DPYD: variants seen among roughly 807,000 people sequenced by gnomAD.
DPYD encodes the protein dihydropyrimidine dehydrogenase [NADP(+)].
DPYD carries 109 observed loss-of-function variants against 116.2 expected under a neutral mutation model. The ratio of observed to expected loss-of-function variants is 0.94; its 90% CI spans 0.80 to 1.10. The LOEUF (loss-of-function observed/expected upper bound fraction) is 1.10. DPYD is among the 50% of genes least tolerant of loss of function. DPYD has a pLI of 0.00. For synonymous variants in DPYD, 440 were observed against 432.0 expected (o/e 1.02, Z -0.23); for missense variants, 1,302 against 1,254.5 (o/e 1.04, Z -0.57).
chr1:97,309,166 AG>A (rs1402790038), intron 16 of DPYD, among the ~76,000 whole-genome samples: 16 of 151,928 alleles, frequency 1.1e-4, no homozygotes, highest in Admixed American at 1.1e-3. Flanking sequence ...TCTGTGAAAA[AG>A]TGATGGATAA....
At chr1:97,490,379 T>A (rs571494923) in intron 13 of DPYD, among the ~76,000 whole-genome samples, 17 of 147,858 alleles carry the variant, frequency 1.1e-4, no homozygotes, top group Non-Finnish European at 2.4e-4. Flanking sequence ...ATATATATTA[T>A]TAACATATAT....
chr1:97,197,359 G>C (rs1346853284), intron 19 of DPYD, among the ~76,000 whole-genome samples: 1 of 151,730 alleles, frequency 6.6e-6, no homozygotes, highest in Non-Finnish European at 1.5e-5. Context: ...CTATTTTTTT[G>C]TAGTATATGC....
intron 19 of DPYD, among the ~76,000 whole-genome samples, chr1:97,234,649 C>T (rs545529100): frequency 3.3e-5 from 5 of 152,230 alleles, no homozygotes; most frequent in East Asian, 1.9e-4. Context: ...ACAGTGGGTT[C>T]GTAAGCCCTC....
chr1:97,834,074 A>G (rs1669652945), intron 2 of DPYD, among the ~76,000 whole-genome samples: 1 of 152,118 alleles, frequency 6.6e-6, no homozygotes, highest in Non-Finnish European at 1.5e-5. Context: ...ATGATTTCAC[A>G]ATGGACCTAG....
chr1:97,546,487 G>A, intron 12 of DPYD: 6 of 1,604,198 alleles, frequency 3.7e-6, no homozygotes, highest in Non-Finnish European at 5.1e-6. Flanking sequence ...AGAGCAAGAT[G>A]AAAAACAAAA....
intron 12 of DPYD, among the ~76,000 whole-genome samples, chr1:97,518,120 G>T (rs1477174277): frequency 6.6e-6 from 1 of 151,888 alleles, no homozygotes; most frequent in Non-Finnish European, 1.5e-5. Context: ...GACACATTTT[G>T]CAAGATTTTC....
rs534298440 is a variant in DPYD, at chr1:97,096,732, T to C, written c.2766+1757A>G. Among the ~76,000 whole-genome samples, 73 of 152,234 alleles carry C rather than the reference T, an allele frequency of 4.8e-4. 1 individual carries two copies. The South Asian group carries it at 0.014, about 29-fold the overall frequency. ...GAGGATTGAAAAAAGGGCACTCTGA[T>C]AGGACAAAAACAGAATATGGGAGGG... On this transcript the variant is annotated intron_variant, in intron 21 of 22. Transcript: ENST00000370192.
intron 19 of DPYD, among the ~76,000 whole-genome samples, chr1:97,220,255 ACCT>A (rs893697627): frequency 6.6e-6 from 1 of 151,992 alleles, no homozygotes; most frequent in Non-Finnish European, 1.5e-5. Flanking sequence ...AGAAAGAAAG[ACCT>A]GAACTAGCGC....
intron 19 of DPYD, among the ~76,000 whole-genome samples, chr1:97,219,485 C>T (rs1660644164): frequency 6.6e-6 from 1 of 152,138 alleles, no homozygotes; most frequent in Non-Finnish European, 1.5e-5. Context: ...ATTAACAGAA[C>T]ATGTGCTTTG....
chr1:97,292,123 C>G (rs574568163), intron 18 of DPYD, among the ~76,000 whole-genome samples: 2 of 152,090 alleles, frequency 1.3e-5, no homozygotes, highest in African/African-American at 4.8e-5. Flanking sequence ...CAAACATCTA[C>G]TGAATTAGAT....
intron 13 of DPYD, among the ~76,000 whole-genome samples, chr1:97,476,991 CA>C (rs1394566428): frequency 6.6e-6 from 1 of 152,174 alleles, no homozygotes; most frequent in Non-Finnish European, 1.5e-5. Flanking sequence ...TTCTGAGAGT[CA>C]AAACCTTTCT....
intron 20 of DPYD, among the ~76,000 whole-genome samples, chr1:97,187,243 T>C (rs1273478763): frequency 6.6e-6 from 1 of 152,204 alleles, no homozygotes; most frequent in Non-Finnish European, 1.5e-5. Context: ...CTACATCTGT[T>C]ATTTTTTGAC....
chr1:97,610,641 T>C (rs1042851900), intron 8 of DPYD, among the ~76,000 whole-genome samples: 2 of 152,038 alleles, frequency 1.3e-5, no homozygotes, highest in South Asian at 2.1e-4. Flanking sequence ...CGTGGACATA[T>C]GATCAAATAA....
At chr1:97,329,790 CATGCATGAATGGCACACT>C (rs1189232069) in intron 16 of DPYD, among the ~76,000 whole-genome samples, 1 of 143,124 alleles carries the variant, frequency 7.0e-6, no homozygotes, top group Non-Finnish European at 1.5e-5. Flanking sequence ...TTTGAGACCC[CATGCATGAATGGCACACT>C]AGATAAATGT....
Position 97,546,322 on chromosome 1 carries a change from A to C in DPYD, c.1524+3238T>G, listed in dbSNP as rs1650857016. ...GCTATTACCACAGTCAAAGCAACAG[A>C]AACAAAAGCTGGCAAATGGAGTTGT... On this transcript the variant is annotated intron_variant, in intron 12 of 22. Coordinates refer to ENST00000370192, the MANE Select transcript of DPYD (RefSeq NM_000110.4). The C allele has an allele frequency of 3.5e-6, 5 of 1,436,480 alleles. No individual in the cohort carries two copies. In the Admixed American group the frequency reaches 8.4e-5, roughly 24 times the overall value. 89.0% of individuals were successfully genotyped at this position (1,436,480 alleles called of 1,614,324 possible). A position where few individuals can be genotyped will look rare whatever the true frequency, so the allele number is the denominator to read the frequency against.
At chr1:97,904,203 T>A (rs1673498302) in intron 1 of DPYD, among the ~76,000 whole-genome samples, 1 of 152,024 alleles carries the variant, frequency 6.6e-6, no homozygotes. Flanking sequence ...TTTTTAAATG[T>A]TTATGATATG....
chr1:97,735,685 CATAAATAAATAAATAAATAAATAA>C (rs5776378), intron 4 of DPYD, among the ~76,000 whole-genome samples: 2 of 133,820 alleles, frequency 1.5e-5, no homozygotes, highest in African/African-American at 2.8e-5. Flanking sequence ...AAGACTCTGT[CATAAATAAATAAATAAATAAATAA>C]ATAAATAAAT....
chr1:97,295,505 A>T (rs2101002215), intron 18 of DPYD: 1 of 151,988 alleles, frequency 6.6e-6, no homozygotes, highest in South Asian at 2.1e-4. Flanking sequence ...ATCTTGGCTC[A>T]CTGCAGCATC....
chr1:97,855,202 G>A (rs1340887781), intron 2 of DPYD: 1 of 152,316 alleles, frequency 6.6e-6, no homozygotes, highest in East Asian at 1.9e-4. Flanking sequence ...GCAGGCTTCT[G>A]GCGACCTGAG....
Sources: allele counts gnomAD v4.1 joint callset (sites outside exome capture counted in the v4.1 genomes callset), GRCh38; gene constraint gnomAD v4.1.1; transcripts MANE v1.5; gene names NCBI Gene and HGNC (gene_info 2026-07-23, HGNC 2026-07-21).